The following MYH15 variants were observed in gnomAD, a reference collection of about 807,000 sequenced individuals.
MYH15 encodes the protein myosin-15.
Under a neutral mutation model 240.5 loss-of-function variants are expected in MYH15, and 227 were observed. The ratio of observed to expected loss-of-function variants is 0.94; its 90% CI spans 0.85 to 1.05. The LOEUF (loss-of-function observed/expected upper bound fraction) is 1.05. Ranked by LOEUF, MYH15 falls within the 50% of genes least tolerant of loss-of-function variation. MYH15 has a pLI of 0.00. For missense variants in MYH15, 2,217 were observed against 2,247.5 expected, an observed-to-expected ratio of 0.99 and a Z score of 0.27; for synonymous variants, 785 against 796.7, an observed-to-expected ratio of 0.99 and a Z score of 0.25.
rs1296982065 is a variant in MYH15 at position 108,454,047 on chromosome 3, G to A, written c.2358C>T (p.Gly786=). ...VFTLFQARAQ[G]KLMRIKFQKI... is the part of the protein sequence containing the mutation. ...TCTGGAATTTGATTCGCATCAGTTT[G>A]CCCTGTGCTCTGGCTTGGAACAATG... Residue 786 remains glycine, a synonymous_variant, in exon 21 of 41, where the codon GGC becomes GGT. Transcript: ENST00000693548. 7 of 1,612,504 alleles carry A rather than the reference G, an allele frequency of 4.3e-6. No individual in the cohort carries two copies. The highest frequency in any genetic ancestry group is 5.1e-6 in the Non-Finnish European group (6 of 1,179,102).
At chr3:108,476,363 A>G in intron 12 of MYH15, 34 bp downstream of exon 12, 1 of 1,265,232 alleles carries the variant, frequency 7.9e-7, no homozygotes, top group South Asian at 1.2e-5. Flanking sequence ...TTGGAAGATC[A>G]TAGAATAATA....
intron 11 of MYH15, among the ~76,000 whole-genome samples, chr3:108,484,005 T>C (rs1275429069): frequency 6.6e-6 from 1 of 152,182 alleles, no homozygotes; most frequent in Non-Finnish European, 1.5e-5. Flanking sequence ...TGGATTACAT[T>C]GCTAATTACA....
intron 22 of MYH15, among the ~76,000 whole-genome samples, chr3:108,442,991 T>C (rs948097684): frequency 1.3e-5 from 2 of 152,094 alleles, no homozygotes; most frequent in African/African-American, 4.8e-5. Context: ...CAAGCTTTTG[T>C]CTACCATGCC....
Position 108,499,466 on chromosome 3 carries a change from A to G in MYH15, c.513T>C (p.Ser171=). The G allele has an allele frequency of 6.2e-7, 1 of 1,613,532 alleles. No homozygotes were observed. Among genetic ancestry groups the G allele is most frequent in the Non-Finnish European group, 8.5e-7 (1 of 1,179,780 alleles). ...AGGCAAACACTTACGTGAAGAGTAT[A>G]GACTGATTTTCTCGATCTACAAAAG... The part of the protein sequence containing the change: ...QDMLHNRENQ[S]ILFTGESGAG... Residue 171 remains serine (S), a synonymous_variant, in exon 5 of 41, where the codon TCT becomes TCC. Transcript: ENST00000693548.
chr3:108,464,842 T>G (rs749166914), intron 14 of MYH15, 28 bp from the exon 15 acceptor site: 1 of 1,549,278 alleles, frequency 6.5e-7, no homozygotes, highest in Non-Finnish European at 8.7e-7. Context: ...GAGCAGCAGA[T>G]TTCTTTAAAA....
At chr3:108,421,025 T>A in intron 28 of MYH15, 63 bp downstream of exon 28, 2 of 1,604,204 alleles carry the variant, frequency 1.2e-6, no homozygotes, top group Non-Finnish European at 1.7e-6. Context: ...TTATCTCAGT[T>A]GTGCCTTCAT....
chr3:108,437,668 G>A lies in MYH15; in HGVS notation c.3107C>T (p.Ala1036Val), dbSNP rs200949025. 1.2e-4 allele frequency: 197 copies of A among 1,613,572 alleles called. No homozygotes were observed. The highest frequency in any genetic ancestry group is 8.3e-4 in the Middle Eastern group (5 of 6,058). The change falls in exon 25 of 41, where the codon GCG (alanine) becomes GTG (valine). Residue 1036 changes from alanine to valine, a missense_variant. Coordinates refer to ENST00000693548, the MANE Select transcript of MYH15 (RefSeq NM_014981.3). ...LEGALEQERKARMNCERELHK... is the reference protein window; with the variant it reads ...LEGALEQERKVRMNCERELHK... ...CAGTTCCCTTTCACAGTTCATTCTC[G>A]CTTTTCTCTCCTGCTCAAGGGCACC...
intron 7 of MYH15, among the ~76,000 whole-genome samples, chr3:108,494,496 A>G (rs2083377088): frequency 7.0e-6 from 1 of 143,428 alleles, no homozygotes; most frequent in African/African-American, 2.6e-5. Context: ...TTCTCTTTCA[A>G]TTGCTTTCTT....
intron 1 of MYH15, among the ~76,000 whole-genome samples, chr3:108,516,533 C>A (rs1180838237): frequency 6.6e-6 from 1 of 152,152 alleles, no homozygotes; most frequent in Non-Finnish European, 1.5e-5. Flanking sequence ...GGAAATGCTG[C>A]AAGATGCTCC....
intron 11 of MYH15, among the ~76,000 whole-genome samples, chr3:108,480,625 A>C (rs905529602): frequency 6.6e-6 from 1 of 152,182 alleles, no homozygotes; most frequent in African/African-American, 2.4e-5. Context: ...TGAAGCTCCA[A>C]ATTTGTAATG....
intron 29 of MYH15, among the ~76,000 whole-genome samples, chr3:108,416,397 T>C (rs912160562): frequency 3.9e-5 from 6 of 152,202 alleles, no homozygotes; most frequent in Non-Finnish European, 8.8e-5. Flanking sequence ...TCTAGCAACA[T>C]TATACACTCA....
chr3:108,483,198 T>A (rs1279821157), intron 11 of MYH15, among the ~76,000 whole-genome samples: 3 of 124,242 alleles, frequency 2.4e-5, no homozygotes, highest in Non-Finnish European at 3.3e-5. Flanking sequence ...AGACTCTGTC[T>A]CCATAAAAAA....
chr3:108,417,345 G>T (rs574202084), intron 28 of MYH15, among the ~76,000 whole-genome samples: 2 of 152,162 alleles, frequency 1.3e-5, no homozygotes, highest in Non-Finnish European at 1.5e-5. Flanking sequence ...CGTAATTGGT[G>T]AAGGTAGATT....
chr3:108,515,143 C>A (rs976334149), upstream of MYH15, among the ~76,000 whole-genome samples: 9 of 152,152 alleles, frequency 5.9e-5, no homozygotes, highest in Non-Finnish European at 1.2e-4. Context: ...CCTGGCCCAA[C>A]TTATAAACCA....
chr3:108,384,231 T>C (rs1247960248), intron 39 of MYH15, among the ~76,000 whole-genome samples: 3 of 152,210 alleles, frequency 2.0e-5, no homozygotes, highest in Non-Finnish European at 4.4e-5. Context: ...ACATTCCCTG[T>C]AGTTATAGAT....
rs149355609 is a variant in MYH15 at position 108,518,961 on chromosome 3, C to T, written c.-57-8374G>A. On this transcript the variant is annotated intron_variant, in intron 1 of 41. Transcript: ENST00000273353. ...CTAGGTCTGCAGCACTCAGAGAAGA[C>T]TCTAGTTCTTTGGGTAGAGCATTAA... Among the ~76,000 whole-genome samples the T allele has an allele frequency of 2.0e-5, 3 of 152,274 alleles. No individual in the cohort carries two copies. The East Asian group carries it at 5.8e-4, about 29-fold the overall frequency.
intron 40 of MYH15, 57 bp downstream of exon 40, chr3:108,383,538 A>G: frequency 3.8e-6 from 6 of 1,570,594 alleles, no homozygotes; most frequent in Non-Finnish European, 5.2e-6. Flanking sequence ...ATGCAATGAC[A>G]TCAGCCCTAA....
At chr3:108,526,366 T>C (rs1325665781) in intron 1 of MYH15, among the ~76,000 whole-genome samples, 1 of 152,210 alleles carries the variant, frequency 6.6e-6, no homozygotes, top group Non-Finnish European at 1.5e-5. Context: ...TTATTTTCCC[T>C]GTTCCCAGTT....
At chr3:108,392,697 CTG>C (rs2082430502) in intron 36 of MYH15, among the ~76,000 whole-genome samples, 1 of 152,166 alleles carries the variant, frequency 6.6e-6, no homozygotes. Context: ...CAGAGCTAAA[CTG>C]TGGGAGGCTT....
Sources: gnomAD v4.1 joint callset for allele counts (sites outside exome capture counted in the v4.1 genomes callset) on GRCh38, gnomAD v4.1.1 for gene constraint, MANE v1.5 for transcripts, NCBI Gene and HGNC (gene_info 2026-07-23, HGNC 2026-07-21) for gene names.